The following MAGI2 variants were observed in gnomAD, a reference collection of about 807,000 sequenced individuals.
MAGI2 encodes membrane-associated guanylate kinase, WW and PDZ domain-containing protein 2.
MAGI2 carries 35 observed loss-of-function variants against 133.3 expected under a neutral mutation model. The observed-to-expected ratio is 0.26, with a 90% CI of 0.20 to 0.35. The LOEUF (loss-of-function observed/expected upper bound fraction) is 0.35. MAGI2 is among the 10% of genes least tolerant of loss of function. The pLI, the probability that MAGI2 is intolerant of heterozygous loss-of-function variation, is 1.00. For synonymous variants in MAGI2, 729 were observed against 710.6 expected, an observed-to-expected ratio of 1.03 and a Z score of -0.41; for missense variants, 1,636 against 1,863.4, an observed-to-expected ratio of 0.88 and a Z score of 2.25.
Position 78,565,311 on chromosome 7 carries a change from A to T in MAGI2, c.539-43666T>A, listed in dbSNP as rs112492761. On this transcript the variant is annotated intron_variant, in intron 3 of 21. Transcript: ENST00000354212. ...ACCCTGTGTCAAAAAAAATTTTTTT[A>T]AAAATTAGTGGGGCATGGTGGCATG... 8.2e-3 allele frequency among the ~76,000 whole-genome samples: 1,240 copies of T among 151,960 alleles called. 7 individuals are homozygous for T. The highest frequency in any genetic ancestry group is 0.024 in the Middle Eastern group (7 of 294).
At chr7:79,416,392 G>C (rs1264981605) in intron 1 of MAGI2, among the ~76,000 whole-genome samples, 2 of 151,832 alleles carry the variant, frequency 1.3e-5, no homozygotes, top group Admixed American at 1.3e-4. Context: ...GAGAAGGAAG[G>C]GGGGAAGAAA....
chr7:78,870,264 C>T (rs893426361), intron 2 of MAGI2, among the ~76,000 whole-genome samples: 1 of 151,348 alleles, frequency 6.6e-6, no homozygotes, highest in Admixed American at 6.6e-5. Context: ...GGAGAATCAC[C>T]TGAACCAGGG....
intron 15 of MAGI2, among the ~76,000 whole-genome samples, chr7:78,163,209 C>G (rs1825261729): frequency 6.6e-6 from 1 of 152,090 alleles, no homozygotes; most frequent in African/African-American, 2.4e-5. Flanking sequence ...GCGGTCTTGG[C>G]TCACTGCAAG....
chr7:78,281,411 G>A (rs1168611507), intron 9 of MAGI2, among the ~76,000 whole-genome samples: 1 of 151,942 alleles, frequency 6.6e-6, no homozygotes, highest in Non-Finnish European at 1.5e-5. Context: ...CAGATCTGAT[G>A]GTTTCATAAG....
chr7:78,437,037 TG>T (rs1800357328), intron 6 of MAGI2, among the ~76,000 whole-genome samples: 1 of 152,146 alleles, frequency 6.6e-6, no homozygotes, highest in African/African-American at 2.4e-5. Flanking sequence ...CAGGATTACT[TG>T]AGAAAGGTTC....
intron 2 of MAGI2, among the ~76,000 whole-genome samples, chr7:78,734,762 A>G (rs1362939563): frequency 6.6e-6 from 1 of 152,182 alleles, no homozygotes; most frequent in Admixed American, 6.5e-5. Flanking sequence ...ACGTGGGGGC[A>G]GATCTGTCAA....
intron 2 of MAGI2, among the ~76,000 whole-genome samples, chr7:78,820,505 T>G (rs1790005364): frequency 6.6e-6 from 1 of 151,940 alleles, no homozygotes; most frequent in Non-Finnish European, 1.5e-5. Context: ...ATTGTACTAG[T>G]AATTTTTATT....
At chr7:78,186,782 T>G (rs1827736821) in intron 12 of MAGI2, among the ~76,000 whole-genome samples, 1 of 152,172 alleles carries the variant, frequency 6.6e-6, no homozygotes, top group Admixed American at 6.6e-5. Context: ...CATTATCCAA[T>G]AAAACACTTT....
chr7:79,401,605 A>G (rs988390747), intron 1 of MAGI2, among the ~76,000 whole-genome samples: 7 of 152,206 alleles, frequency 4.6e-5, no homozygotes, highest in African/African-American at 1.4e-4. Context: ...ACTTAGATAC[A>G]AAGCACAAAT....
chr7:79,452,680 C>T (rs576303945), intron 1 of MAGI2, among the ~76,000 whole-genome samples: 3 of 152,216 alleles, frequency 2.0e-5, no homozygotes, highest in Admixed American at 2.0e-4. Flanking sequence ...TCCTTCCTCC[C>T]TTCCCCAAAA....
intron 1 of MAGI2, among the ~76,000 whole-genome samples, chr7:79,034,536 T>C (rs1810929382): frequency 6.6e-6 from 1 of 152,206 alleles, no homozygotes; most frequent in Non-Finnish European, 1.5e-5. Context: ...GTTGTTTTTT[T>C]CAAAGGCTCA....
chr7:78,395,367 C>CTGTA (rs1423008077), intron 6 of MAGI2, among the ~76,000 whole-genome samples: 2 of 152,150 alleles, frequency 1.3e-5, no homozygotes, highest in East Asian at 3.9e-4. Flanking sequence ...GTAGAGAAAG[C>CTGTA]TGTAGCTCAT....
intron 2 of MAGI2, among the ~76,000 whole-genome samples, chr7:78,938,273 G>C (rs1450626654): frequency 1.3e-5 from 2 of 152,004 alleles, no homozygotes; most frequent in African/African-American, 4.8e-5. Context: ...TATTGAAAGA[G>C]AAGAATCAAT....
intron 6 of MAGI2, among the ~76,000 whole-genome samples, chr7:78,447,122 C>T (rs58067153): frequency 0.038 from 5,746 of 151,956 alleles, 314 homozygotes; most frequent in African/African-American, 0.13. Flanking sequence ...TTAATAATAC[C>T]GATACATGTT....
rs1055732804 is a variant in MAGI2, at chr7:78,221,874, G to A, written c.2048-20681C>T. On this transcript the variant is annotated intron_variant, in intron 10 of 21. Transcript: ENST00000354212. ...TGGTCTTGAACTCTTGGCCTTAAACGATCCTTTTGTTTAAAAAATAAGAAC... is the reference window on the plus strand; with the variant it reads ...TGGTCTTGAACTCTTGGCCTTAAACAATCCTTTTGTTTAAAAAATAAGAAC... Among the ~76,000 whole-genome samples, 3 of 151,310 alleles carry A rather than the reference G, an allele frequency of 2.0e-5. No homozygotes were observed. In the East Asian group the frequency reaches 6.0e-4, roughly 30 times the overall value.
chr7:78,144,933 C>T (rs1227001886), intron 16 of MAGI2, among the ~76,000 whole-genome samples: 5 of 151,940 alleles, frequency 3.3e-5, no homozygotes, highest in Admixed American at 1.3e-4. Flanking sequence ...TCCCTGTGTC[C>T]GTGTGTTCTC....
At chr7:78,684,420 C>T (rs1420810693) in intron 2 of MAGI2, among the ~76,000 whole-genome samples, 4 of 152,104 alleles carry the variant, frequency 2.6e-5, no homozygotes, top group African/African-American at 9.7e-5. Flanking sequence ...GGGTCACTTT[C>T]CTTTGTATGA....
intron 9 of MAGI2, among the ~76,000 whole-genome samples, chr7:78,277,702 C>T (rs569877254): frequency 1.3e-5 from 2 of 152,124 alleles, no homozygotes; most frequent in Non-Finnish European, 2.9e-5. Context: ...AACAGTAGAA[C>T]ATCAGATTGG....
intron 3 of MAGI2, among the ~76,000 whole-genome samples, chr7:78,575,481 C>A (rs537514281): frequency 1.3e-5 from 2 of 152,212 alleles, no homozygotes; most frequent in South Asian, 4.2e-4. Context: ...GTGTGGGCTG[C>A]ACATAGTGAC....
Sources: allele counts gnomAD v4.1 joint callset (sites outside exome capture counted in the v4.1 genomes callset), GRCh38; gene constraint gnomAD v4.1.1; transcripts MANE v1.5; gene names NCBI Gene and HGNC (gene_info 2026-07-23, HGNC 2026-07-21).